The following CHD7 variants were observed in gnomAD, a reference collection of about 807,000 sequenced individuals.
CHD7 encodes the protein ATP-dependent chromatin remodeler CHD7.
CHD7 carries 24 observed loss-of-function variants against 307.3 expected under a neutral mutation model. That is an observed-to-expected ratio of 0.08 (90% CI 0.06 to 0.11). CHD7 has a LOEUF of 0.11. Among genes scored for constraint, CHD7 ranks in the 10% least tolerant of loss-of-function variants. CHD7 has a pLI of 1.00. For synonymous variants in CHD7, 1,363 were observed against 1,349.9 expected (o/e 1.01, Z -0.21); for missense variants, 3,106 against 3,727.1 (o/e 0.83, Z 4.34).
At chr8:60,784,293 T>G (rs1232743211) in intron 3 of CHD7, among the ~76,000 whole-genome samples, 1 of 152,236 alleles carries the variant, frequency 6.6e-6, no homozygotes, top group East Asian at 1.9e-4. Flanking sequence ...ATTTCCATCC[T>G]TGAATAAGTT....
At chr8:60,762,605 T>C (rs889620769) in intron 2 of CHD7, among the ~76,000 whole-genome samples, 1 of 152,204 alleles carries the variant, frequency 6.6e-6, no homozygotes, top group Non-Finnish European at 1.5e-5. Context: ...GAATTGTGCT[T>C]GGTACATAGT....
At chr8:60,839,183 A>G (rs1211340273) in intron 19 of CHD7, among the ~76,000 whole-genome samples, 1 of 152,230 alleles carries the variant, frequency 6.6e-6, no homozygotes, top group Non-Finnish European at 1.5e-5. Context: ...TATAAATGGA[A>G]TCATATGATG....
At chr8:60,685,675 G>A (rs778813316) in intron 1 of CHD7, among the ~76,000 whole-genome samples, 1 of 152,116 alleles carries the variant, frequency 6.6e-6, no homozygotes, top group Non-Finnish European at 1.5e-5. Context: ...TACTTACCTG[G>A]TTTTTAGTGG....
At position 60,856,143 on chromosome 8, in the gene CHD7, G is replaced by C; in HGVS notation, c.7105G>C (p.Val2369Leu). 1 of 1,608,258 alleles carries C rather than the reference G, an allele frequency of 6.2e-7. No homozygotes were observed. The highest frequency in any genetic ancestry group is 8.5e-7 in the Non-Finnish European group (1 of 1,177,214). The change falls in exon 33 of 38, where the codon GTC becomes CTC. Residue 2369 changes from valine (V) to leucine (L), a missense_variant. Physicochemically the swap from Val to Leu is conservative, Grantham distance 32. This residue lies in a region of CHD7 where 1,030 missense variants were observed against 1,165.4 expected (regional missense o/e 0.88). Coordinates refer to ENST00000423902, the MANE Select transcript of CHD7 (RefSeq NM_017780.4). Reference sequence around the variant, plus strand: ...GAGGAGCTTTGCTGAGCTCTCCATGGTCGGCCAAGCCAGCATTAGTGGGAG... The same window carrying C: ...GAGGAGCTTTGCTGAGCTCTCCATGCTCGGCCAAGCCAGCATTAGTGGGAG... ...QKRSFAELSMVGQASISGSED... is the reference protein window; with the variant it reads ...QKRSFAELSMLGQASISGSED...
intron 2 of CHD7, among the ~76,000 whole-genome samples, chr8:60,757,096 G>C (rs913040432): frequency 6.6e-6 from 1 of 152,118 alleles, no homozygotes; most frequent in Non-Finnish European, 1.5e-5. Context: ...TGCTGGGATT[G>C]GGGCCTTAAA....
chr8:60,710,348 G>A (rs1167928149), intron 1 of CHD7, among the ~76,000 whole-genome samples: 2 of 151,864 alleles, frequency 1.3e-5, no homozygotes, highest in Non-Finnish European at 2.9e-5. Flanking sequence ...GAGGGCAGAT[G>A]CCATGCCTGC....
intron 1 of CHD7, among the ~76,000 whole-genome samples, chr8:60,708,897 G>A (rs1807147099): frequency 6.6e-6 from 1 of 152,126 alleles, no homozygotes; most frequent in South Asian, 2.1e-4. Flanking sequence ...TGTGCAGCCA[G>A]TAAACACACA....
At chr8:60,830,672 C>A in intron 15 of CHD7, 95 bp downstream of exon 15, 2 of 1,378,162 alleles carry the variant, frequency 1.5e-6, no homozygotes, top group South Asian at 1.3e-5. Flanking sequence ...GGTGTATAGT[C>A]ATTCCTGTCT....
rs530466708 is a variant in CHD7, at chr8:60,812,371, G to C, written c.2499-4016G>C. Among the ~76,000 whole-genome samples the C allele has an allele frequency of 9.1e-4, 139 of 152,188 alleles. 2 individuals carry two copies. The highest frequency in any genetic ancestry group is 1.2e-3 in the Non-Finnish European group (79 of 67,996). ...TTGTTGTTCTAGCACCATTATTAAA[G>C]AGTCAATTTTTGGCCAGGCACAGTG... On this transcript the variant is annotated intron_variant, in intron 7 of 37. Transcript: ENST00000423902.
chr8:60,739,235 T>C (rs568587604), intron 1 of CHD7, among the ~76,000 whole-genome samples: 58 of 152,316 alleles, frequency 3.8e-4, no homozygotes, highest in African/African-American at 1.3e-3. Flanking sequence ...CCAGGACACA[T>C]ATGTAGACGT....
intron 6 of CHD7, 23 bp from the exon 7 acceptor site, chr8:60,808,194 C>T (rs780390527): frequency 6.5e-7 from 1 of 1,533,818 alleles, no homozygotes; most frequent in African/African-American, 1.4e-5. Context: ...TAAATACATG[C>T]CTGAAATTTT....
At chr8:60,798,920 A>G (rs1010039999) in intron 4 of CHD7, among the ~76,000 whole-genome samples, 3 of 152,008 alleles carry the variant, frequency 2.0e-5, no homozygotes, top group Admixed American at 1.3e-4. Flanking sequence ...AATAATATAG[A>G]ATTACTCTGA....
At chr8:60,685,726 G>A (rs571894433) in intron 1 of CHD7, among the ~76,000 whole-genome samples, 17 of 152,324 alleles carry the variant, frequency 1.1e-4, no homozygotes, top group African/African-American at 3.6e-4. Flanking sequence ...TACCTTCAAA[G>A]TTACTTTGTT....
intron 1 of CHD7, among the ~76,000 whole-genome samples, chr8:60,714,648 A>G (rs1420720658): frequency 1.3e-5 from 2 of 152,080 alleles, no homozygotes; most frequent in Non-Finnish European, 2.9e-5. Flanking sequence ...GGTGCTGCAC[A>G]GGCCACGCCC....
chr8:60,697,220 A>G (rs981401553), intron 1 of CHD7, among the ~76,000 whole-genome samples: 9 of 152,182 alleles, frequency 5.9e-5, no homozygotes, highest in African/African-American at 2.2e-4. Flanking sequence ...GTTAGTAGGA[A>G]GACTTTAACA....
In CHD7 at chr8:60,741,349, G is replaced by A. The variant is rs1360074031; in HGVS notation, c.-84G>A. On this transcript the variant is annotated 5_prime_UTR_variant, in exon 2 of 38. Transcript: ENST00000423902. ...TGAAGAAGATTAGTTAAGGATTATAGGCTTTGAGGGCAAACACCTCAGTGA... is the reference window on the plus strand; with the variant it reads ...TGAAGAAGATTAGTTAAGGATTATAAGCTTTGAGGGCAAACACCTCAGTGA... 1.1e-6 allele frequency: 1 copy of A among 925,568 alleles called. No individual in the cohort carries two copies. Among genetic ancestry groups the A allele is most frequent in the East Asian group, 2.6e-5 (1 of 38,086 alleles). 57.3% of individuals were successfully genotyped at this position (925,568 alleles called of 1,614,324 possible). A position where few individuals can be genotyped will look rare whatever the true frequency, so the allele number is the denominator to read the frequency against.
At chr8:60,696,186 A>AC (rs1806457103) in intron 1 of CHD7, among the ~76,000 whole-genome samples, 1 of 152,232 alleles carries the variant, frequency 6.6e-6, no homozygotes, top group Non-Finnish European at 1.5e-5. Context: ...TTAAATTTTT[A>AC]CTTTTTAATT....
At chr8:60,808,946 C>T (rs1192935791) in intron 7 of CHD7, 1 of 152,196 alleles carries the variant, frequency 6.6e-6, no homozygotes, top group Non-Finnish European at 1.5e-5. Context: ...AATCATAGAA[C>T]AAGGACAAAA....
intron 1 of CHD7, among the ~76,000 whole-genome samples, chr8:60,715,884 C>T (rs1586205243): frequency 6.6e-6 from 1 of 152,172 alleles, no homozygotes; most frequent in African/African-American, 2.4e-5. Context: ...ATGGACAGAA[C>T]AGTTAACTGT....
Sources: allele counts gnomAD v4.1 joint callset (sites outside exome capture counted in the v4.1 genomes callset), GRCh38; gene constraint gnomAD v4.1.1; regional missense constraint gnomAD v4.1.1; transcripts MANE v1.5; gene names NCBI Gene and HGNC (gene_info 2026-07-23, HGNC 2026-07-21).